The following MARK3 variants were observed in gnomAD, a reference collection of about 807,000 sequenced individuals.
MARK3 encodes the protein microtubule affinity regulating kinase 3, also known as MAP/microtubule affinity-regulating kinase 3.
A neutral mutation model predicts 90.1 loss-of-function variants in MARK3; 46 were observed. That is an observed-to-expected ratio of 0.51 (90% CI 0.40 to 0.65). MARK3 has a LOEUF of 0.65. Among genes scored for constraint, MARK3 ranks in the 30% least tolerant of loss-of-function variants. The pLI is 0.00. For missense variants in MARK3, 818 were observed against 947.2 expected, an observed-to-expected ratio of 0.86 and a Z score of 1.79; for synonymous variants, 321 against 332.6, an observed-to-expected ratio of 0.97 and a Z score of 0.38.
intron 3 of MARK3, among the ~76,000 whole-genome samples, chr14:103,439,471 C>T (rs553750718): frequency 2.0e-5 from 3 of 151,826 alleles, no homozygotes; most frequent in African/African-American, 7.2e-5. Context: ...TGCAGTAGTG[C>T]GATCTCAGCT....
At chr14:103,399,864 T>TA (rs763539943) in intron 1 of MARK3, among the ~76,000 whole-genome samples, 4 of 151,972 alleles carry the variant, frequency 2.6e-5, no homozygotes, top group Non-Finnish European at 5.9e-5. Context: ...GTTTTACAGT[T>TA]ACAGCTACAT....
chr14:103,418,393 A>T (rs930423098), intron 2 of MARK3, among the ~76,000 whole-genome samples: 5 of 151,966 alleles, frequency 3.3e-5, no homozygotes, highest in Non-Finnish European at 7.4e-5. Flanking sequence ...TAAGCATCTG[A>T]TCACAAGCTG....
intron 14 of MARK3, among the ~76,000 whole-genome samples, chr14:103,481,828 C>G: frequency 8.2e-6 from 1 of 122,012 alleles, no homozygotes; most frequent in South Asian, 2.9e-4. Context: ...GTGCAGTGGC[C>G]TGATCTCGGC....
At chr14:103,460,071 A>ATTTT (rs1566882596) in intron 6 of MARK3, among the ~76,000 whole-genome samples, 1 of 45,580 alleles carries the variant, frequency 2.2e-5, no homozygotes, top group Non-Finnish European at 4.0e-5. Context: ...TTCCAGCTCC[A>ATTTT]TCTTTTTTTT....
At chr14:103,409,546 TTATAGAAA>T (rs1443905264) in intron 2 of MARK3, among the ~76,000 whole-genome samples, 1 of 151,660 alleles carries the variant, frequency 6.6e-6, no homozygotes, top group African/African-American at 2.4e-5. Context: ...AATGTAAACA[TTATAGAAA>T]TATAGAAATT....
At chr14:103,431,931 G>A (rs2092594110) in intron 3 of MARK3, among the ~76,000 whole-genome samples, 1 of 152,054 alleles carries the variant, frequency 6.6e-6, no homozygotes, top group Admixed American at 6.6e-5. Context: ...TCCCACAGGA[G>A]TTTCGCTGAA....
At chr14:103,436,157 C>A (rs1015865544) in intron 3 of MARK3, among the ~76,000 whole-genome samples, 3 of 152,170 alleles carry the variant, frequency 2.0e-5, no homozygotes, top group Non-Finnish European at 4.4e-5. Context: ...TCCCAAAGTG[C>A]TGAATTACAG....
At chr14:103,406,166 G>A (rs1287692117) in intron 2 of MARK3, among the ~76,000 whole-genome samples, 1 of 151,600 alleles carries the variant, frequency 6.6e-6, no homozygotes. Context: ...AGAGTGTTGG[G>A]ATTACAGGCA....
At chr14:103,421,989 C>T (rs1201520862) in intron 2 of MARK3, among the ~76,000 whole-genome samples, 1 of 152,240 alleles carries the variant, frequency 6.6e-6, no homozygotes, top group African/African-American at 2.4e-5. Flanking sequence ...GTTTCCTTGT[C>T]TCCCAGGATG....
chr14:103,458,864 G>T, intron 6 of MARK3: 3 of 546,272 alleles, frequency 5.5e-6, no homozygotes, highest in South Asian at 2.5e-5. Flanking sequence ...AAATACTAAT[G>T]GTACTTTGAA....
intron 3 of MARK3, among the ~76,000 whole-genome samples, chr14:103,436,615 C>T (rs1434025160): frequency 1.5e-5 from 2 of 134,958 alleles, no homozygotes; most frequent in Non-Finnish European, 3.4e-5. Context: ...ACAGGCACTT[C>T]TTATATTGAT....
rs1433051640 is a variant in MARK3, at chr14:103,443,360, ATT to A, written c.298-5558_298-5557del. Among the ~76,000 whole-genome samples the A allele has an allele frequency of 4.6e-5, 7 of 152,356 alleles. No homozygotes were observed. The East Asian group carries it at 1.3e-3, about 29-fold the overall frequency. On this transcript the variant is annotated intron_variant, in intron 3 of 17. Transcript: ENST00000429436. Reference sequence around the variant, plus strand: ...TTTTCTCAAATTCAGAAACAATGCTATTGAAATATATTGGAAACAGGAACGAA... The same window carrying A: ...TTTTCTCAAATTCAGAAACAATGCTAGAAATATATTGGAAACAGGAACGAA...
At chr14:103,494,327 G>C (rs1188968405) in intron 15 of MARK3, among the ~76,000 whole-genome samples, 1 of 151,268 alleles carries the variant, frequency 6.6e-6, no homozygotes, top group Non-Finnish European at 1.5e-5. Context: ...CGAGGCAGGT[G>C]GATCACCTGA....
intron 3 of MARK3, among the ~76,000 whole-genome samples, chr14:103,437,639 C>T (rs1268172047): frequency 1.3e-5 from 2 of 152,182 alleles, no homozygotes; most frequent in Non-Finnish European, 2.9e-5. Flanking sequence ...TTAGAAAAGT[C>T]ACCAAGGAAC....
chr14:103,394,793 CT>C (rs367670075), intron 1 of MARK3, among the ~76,000 whole-genome samples: 2 of 151,816 alleles, frequency 1.3e-5, no homozygotes, highest in Non-Finnish European at 2.9e-5. Flanking sequence ...AGTCTTTTTT[CT>C]TTTTTTGTGA....
intron 1 of MARK3, among the ~76,000 whole-genome samples, chr14:103,399,694 C>T (rs2090825390): frequency 8.7e-6 from 1 of 115,142 alleles, no homozygotes; most frequent in East Asian, 2.5e-4. Context: ...AGTGAGACTC[C>T]ATCTCAAAAA....
At chr14:103,457,120 C>T (rs1249733863) in intron 5 of MARK3, 22 bp from the exon 6 acceptor site, 2 of 1,485,394 alleles carry the variant, frequency 1.3e-6, no homozygotes, top group South Asian at 1.2e-5. Context: ...TTTCTACTTA[C>T]TTTTATTTCT....
At chr14:103,390,740 G>A (rs762815631) in intron 1 of MARK3, among the ~76,000 whole-genome samples, 6 of 152,138 alleles carry the variant, frequency 3.9e-5, no homozygotes, top group South Asian at 2.1e-4. Flanking sequence ...ACAGTATCTC[G>A]CTCTGTCACC....
intron 3 of MARK3, 78 bp downstream of exon 3, chr14:103,428,518 C>T: frequency 1.3e-6 from 1 of 766,378 alleles, no homozygotes; most frequent in South Asian, 1.8e-5. Flanking sequence ...CTTAAATACC[C>T]CAACTGTTAT....
Sources: allele counts gnomAD v4.1 joint callset (sites outside exome capture counted in the v4.1 genomes callset), GRCh38; gene constraint gnomAD v4.1.1; transcripts MANE v1.5; gene names NCBI Gene and HGNC (gene_info 2026-07-23, HGNC 2026-07-21).